The following ADRA1B variants were observed in gnomAD, a reference collection of about 807,000 sequenced individuals.
ADRA1B encodes the protein alpha-1B adrenergic receptor.
A neutral mutation model predicts 17.9 loss-of-function variants in ADRA1B; 17 were observed. That is an observed-to-expected ratio of 0.95 (90% CI 0.65 to 1.42). The LOEUF (loss-of-function observed/expected upper bound fraction) is 1.42. Among genes scored for constraint, ADRA1B ranks in the 40% most tolerant of loss-of-function variants. The pLI, the probability that ADRA1B is intolerant of heterozygous loss-of-function variation, is 0.00. For missense variants in ADRA1B, 681 were observed against 722.1 expected (o/e 0.94, Z 0.65); for synonymous variants, 366 against 327.6 (o/e 1.12, Z -1.27).
chr5:159,968,370 C>A (rs1162487620), intron 1 of ADRA1B, among the ~76,000 whole-genome samples: 1 of 152,138 alleles, frequency 6.6e-6, no homozygotes, highest in African/African-American at 2.4e-5. Context: ...ATTTTTGTAA[C>A]CTTTAAAAGA....
chr5:159,924,197 T>C (rs978875450), intron 1 of ADRA1B, among the ~76,000 whole-genome samples: 3 of 148,168 alleles, frequency 2.0e-5, no homozygotes, highest in Admixed American at 6.7e-5. Flanking sequence ...CTTTTTCTTC[T>C]AAAGACTGTC....
chr5:159,873,372 A>G (rs562230247), intron 1 of ADRA1B, among the ~76,000 whole-genome samples: 486 of 152,296 alleles, frequency 3.2e-3, no homozygotes, highest in African/African-American at 0.011. Flanking sequence ...CGCTGCTGCA[A>G]GTGCCATCAG....
intron 1 of ADRA1B, among the ~76,000 whole-genome samples, chr5:159,907,344 A>AT: frequency 6.6e-6 from 1 of 152,336 alleles, no homozygotes; most frequent in East Asian, 1.9e-4. Context: ...CAGATATATT[A>AT]TTTCTGCCTA....
At chr5:159,895,926 C>T (rs148075224) in intron 1 of ADRA1B, among the ~76,000 whole-genome samples, 5 of 152,280 alleles carry the variant, frequency 3.3e-5, no homozygotes, top group South Asian at 2.1e-4. Flanking sequence ...GTGCTCCCAG[C>T]GGACTATAGG....
intron 1 of ADRA1B, among the ~76,000 whole-genome samples, chr5:159,867,612 A>C (rs1258735655): frequency 3.3e-5 from 5 of 152,160 alleles, no homozygotes; most frequent in Admixed American, 3.3e-4. Context: ...GTTTTTCCAC[A>C]TCAGGGTGGA....
chr5:159,908,527 G>T (rs144545017), intron 1 of ADRA1B, among the ~76,000 whole-genome samples: 412 of 152,168 alleles, frequency 2.7e-3, no homozygotes, highest in Non-Finnish European at 4.2e-3. Context: ...CTTTCCCCAC[G>T]TGATGCCAGC....
At chr5:159,943,252 T>C (rs1203767430) in intron 1 of ADRA1B, among the ~76,000 whole-genome samples, 6 of 151,598 alleles carry the variant, frequency 4.0e-5, no homozygotes, top group Non-Finnish European at 8.8e-5. Flanking sequence ...TAAAAATAAA[T>C]AAATTAGATC....
intron 1 of ADRA1B, among the ~76,000 whole-genome samples, chr5:159,893,878 T>C (rs1374030733): frequency 3.3e-5 from 5 of 152,234 alleles, no homozygotes; most frequent in Non-Finnish European, 7.3e-5. Flanking sequence ...GCCCTGAATC[T>C]GCACCAGTCT....
intron 1 of ADRA1B, among the ~76,000 whole-genome samples, chr5:159,940,347 A>T (rs1365300483): frequency 6.6e-6 from 1 of 152,216 alleles, no homozygotes; most frequent in East Asian, 1.9e-4. Context: ...ATATCTGATC[A>T]GGCCTCTTAT....
At chr5:159,928,072 A>G (rs1330933267) in intron 1 of ADRA1B, among the ~76,000 whole-genome samples, 3 of 152,208 alleles carry the variant, frequency 2.0e-5, no homozygotes, top group Non-Finnish European at 1.5e-5. Context: ...GGAATAAATG[A>G]TTAAATGAAG....
chr5:159,892,327 T>C (rs555596655), intron 1 of ADRA1B, among the ~76,000 whole-genome samples: 1 of 152,326 alleles, frequency 6.6e-6, no homozygotes, highest in South Asian at 2.1e-4. Flanking sequence ...TTTATGAGCA[T>C]TACATATTTT....
intron 1 of ADRA1B, among the ~76,000 whole-genome samples, chr5:159,901,513 A>C (rs1388159758): frequency 1.3e-5 from 2 of 152,158 alleles, no homozygotes; most frequent in East Asian, 3.9e-4. Context: ...TATAAGTTAT[A>C]ATTTTAATTT....
At chr5:159,987,626 C>A in the ADRA1B span, among the ~76,000 whole-genome samples, 3 of 152,218 alleles carry the variant, frequency 2.0e-5, no homozygotes, top group Admixed American at 6.5e-5. Context: ...TGCGGCCCTG[C>A]GGCACTTCCC....
intron 1 of ADRA1B, among the ~76,000 whole-genome samples, chr5:159,877,727 A>C (rs553947792): frequency 4.2e-4 from 64 of 152,246 alleles, no homozygotes; most frequent in African/African-American, 1.5e-3. Context: ...CCCTAACCCC[A>C]CTTTATAAGT....
At chr5:159,918,082 C>T (rs552512875) in intron 1 of ADRA1B, among the ~76,000 whole-genome samples, 1 of 152,144 alleles carries the variant, frequency 6.6e-6, no homozygotes, top group East Asian at 1.9e-4. Context: ...GGAAATAGAA[C>T]CAGGGAAGGA....
At chr5:159,884,210 C>T (rs1753899363) in intron 1 of ADRA1B, among the ~76,000 whole-genome samples, 1 of 152,208 alleles carries the variant, frequency 6.6e-6, no homozygotes, top group South Asian at 2.1e-4. Context: ...GGAATATTTT[C>T]CCAATCCCTA....
chr5:159,886,480 C>A (rs1753923848), intron 1 of ADRA1B, among the ~76,000 whole-genome samples: 1 of 152,120 alleles, frequency 6.6e-6, no homozygotes, highest in Admixed American at 6.5e-5. Flanking sequence ...GCAGGTCTCC[C>A]ATGCTAATTG....
intron 1 of ADRA1B, among the ~76,000 whole-genome samples, chr5:159,963,127 G>A (rs1196036882): frequency 1.3e-5 from 2 of 149,794 alleles, no homozygotes; most frequent in Non-Finnish European, 3.0e-5. Context: ...TGTGTTCATG[G>A]AGAACATTTT....
At chr5:159,865,999 G>A (rs116123352) in intron 1 of ADRA1B, among the ~76,000 whole-genome samples, 3,153 of 152,250 alleles carry the variant, frequency 0.021, 44 homozygotes, top group Middle Eastern at 0.065. Flanking sequence ...TACATAAGTA[G>A]CAAGGAGAGT....
Sources: gnomAD v4.1 joint callset for allele counts (sites outside exome capture counted in the v4.1 genomes callset) on GRCh38, gnomAD v4.1.1 for gene constraint, MANE v1.5 for transcripts, NCBI Gene and HGNC (gene_info 2026-07-23, HGNC 2026-07-21) for gene names.